The following MACROD2 variants were observed in gnomAD, a reference collection of about 807,000 sequenced individuals.
MACROD2 encodes the protein ADP-ribose glycohydrolase MACROD2.
In MACROD2, 36 loss-of-function variants were observed where a neutral mutation model predicts 70.4. The observed-to-expected ratio is 0.51, with a 90% CI of 0.39 to 0.68. The LOEUF (loss-of-function observed/expected upper bound fraction) is 0.68, where lower values mean the gene tolerates loss of function less well. Among genes scored for constraint, MACROD2 ranks in the 30% least tolerant of loss-of-function variants. The pLI is 0.00. For missense variants in MACROD2, 496 were observed against 538.4 expected (o/e 0.92, Z 0.78); for synonymous variants, 172 against 178.8 (o/e 0.96, Z 0.30).
At chr20:14,847,486 T>C (rs1462716635) in intron 5 of MACROD2, among the ~76,000 whole-genome samples, 1 of 4,492 alleles carries the variant, frequency 2.2e-4, no homozygotes, top group South Asian at 2.2e-3. Context: ...GTGTTGCCTG[T>C]TTTTTTTTTT....
At chr20:14,212,903 G>T (rs143173923) in intron 3 of MACROD2, among the ~76,000 whole-genome samples, 107 of 151,858 alleles carry the variant, frequency 7.0e-4, no homozygotes, top group Middle Eastern at 6.8e-3. Context: ...TGCTGTTGTG[G>T]CATTTGGACT....
At chr20:15,025,234 A>G (rs1166486645) in intron 5 of MACROD2, among the ~76,000 whole-genome samples, 1 of 151,942 alleles carries the variant, frequency 6.6e-6, no homozygotes, top group African/African-American at 2.4e-5. Context: ...TATCAGTTTA[A>G]AGATTCTTGT....
At chr20:14,438,139 A>C (rs1021729946) in intron 3 of MACROD2, among the ~76,000 whole-genome samples, 1 of 152,120 alleles carries the variant, frequency 6.6e-6, no homozygotes, top group African/African-American at 2.4e-5. Flanking sequence ...TTTTTAATAG[A>C]TTCCACATAT....
At chr20:14,939,795 G>T (rs1460884493) in intron 5 of MACROD2, among the ~76,000 whole-genome samples, 2 of 151,510 alleles carry the variant, frequency 1.3e-5, no homozygotes, top group African/African-American at 4.8e-5. Flanking sequence ...GTGTTTTATA[G>T]TTTTCTTTGT....
intron 8 of MACROD2, chr20:15,552,845 A>G (rs1257695315): frequency 2.0e-5 from 3 of 152,170 alleles, no homozygotes; most frequent in East Asian, 1.9e-4. Flanking sequence ...AGTTGCCTAC[A>G]TGGGTTACCC....
intron 6 of MACROD2, among the ~76,000 whole-genome samples, chr20:15,264,918 G>T (rs1186885714): frequency 1.1e-4 from 17 of 152,142 alleles, no homozygotes; most frequent in Admixed American, 1.1e-3. Flanking sequence ...AGGGGTCAGA[G>T]AGACCTTAGA....
chr20:14,868,578 A>G (rs975373260), intron 5 of MACROD2, among the ~76,000 whole-genome samples: 4 of 152,108 alleles, frequency 2.6e-5, no homozygotes, highest in African/African-American at 9.7e-5. Flanking sequence ...ATTCCAGCCT[A>G]GAGTCTAGGG....
intron 5 of MACROD2, among the ~76,000 whole-genome samples, chr20:15,227,821 C>CTTTTTTTTTTTTTTTTTTTT: frequency 7.2e-5 from 1 of 13,876 alleles, no homozygotes; most frequent in Non-Finnish European, 1.3e-4. Context: ...AGAATTTCAC[C>CTTTTTTTTTTTTTTTTTTTT]TGTTTTTTTT....
chr20:15,324,440 T>A (rs1485257223), intron 6 of MACROD2, among the ~76,000 whole-genome samples: 1 of 152,152 alleles, frequency 6.6e-6, no homozygotes, highest in Non-Finnish European at 1.5e-5. Context: ...GCTCTTCTTG[T>A]TTATATATAT....
At chr20:14,633,220 A>C (rs1312233060) in intron 4 of MACROD2, among the ~76,000 whole-genome samples, 1 of 152,166 alleles carries the variant, frequency 6.6e-6, no homozygotes, top group Non-Finnish European at 1.5e-5. Context: ...TGTCTTTTTT[A>C]TAAAGACATT....
intron 5 of MACROD2, among the ~76,000 whole-genome samples, chr20:14,841,589 A>G (rs2073088118): frequency 6.6e-6 from 1 of 152,088 alleles, no homozygotes; most frequent in South Asian, 2.1e-4. Context: ...ATGACACTAC[A>G]ATGCAGCTTT....
chr20:14,327,032 G>T (rs746867958), intron 3 of MACROD2: 2 of 1,613,768 alleles, frequency 1.2e-6, no homozygotes, highest in Non-Finnish European at 1.7e-6. Flanking sequence ...GACAGGAAAA[G>T]CAGTCGGAGA....
intron 6 of MACROD2, among the ~76,000 whole-genome samples, chr20:15,263,578 A>G (rs1006734043): frequency 6.6e-6 from 1 of 151,988 alleles, no homozygotes; most frequent in Non-Finnish European, 1.5e-5. Context: ...CGTCATTGGC[A>G]TTTTTTATAG....
intron 4 of MACROD2, among the ~76,000 whole-genome samples, chr20:14,582,901 C>A (rs1981129379): frequency 6.6e-6 from 1 of 152,160 alleles, no homozygotes; most frequent in South Asian, 2.1e-4. Flanking sequence ...CACACTTACT[C>A]TGGGGCATAC....
chr20:14,488,149 GTATT>G (rs1394477746), intron 3 of MACROD2, among the ~76,000 whole-genome samples: 3 of 152,126 alleles, frequency 2.0e-5, no homozygotes, highest in Non-Finnish European at 4.4e-5. Flanking sequence ...AAATTTATTT[GTATT>G]TATTCAAAAC....
intron 5 of MACROD2, among the ~76,000 whole-genome samples, chr20:14,738,175 C>A (rs1253142389): frequency 2.0e-5 from 3 of 151,094 alleles, no homozygotes; most frequent in Non-Finnish European, 4.4e-5. Context: ...TTTTAAAAGT[C>A]AGTTTCCTGA....
chr20:14,535,671 G>T (rs2123218531), intron 4 of MACROD2, among the ~76,000 whole-genome samples: 1 of 152,226 alleles, frequency 6.6e-6, no homozygotes, highest in Admixed American at 6.5e-5. Context: ...AATTAATTAT[G>T]CATTAAGGCC....
chr20:15,617,977 A>G (rs2049061910), intron 8 of MACROD2, among the ~76,000 whole-genome samples: 1 of 151,980 alleles, frequency 6.6e-6, no homozygotes, highest in African/African-American at 2.4e-5. Context: ...ATGTGGGTGT[A>G]GAAGGGAGGA....
chr20:15,467,706 A>G (rs2046912920), intron 7 of MACROD2, among the ~76,000 whole-genome samples: 1 of 135,214 alleles, frequency 7.4e-6, no homozygotes, highest in Non-Finnish European at 1.6e-5. Flanking sequence ...ATATTTATTG[A>G]TTCAAATTGG....
Sources: gnomAD v4.1 joint callset for allele counts (sites outside exome capture counted in the v4.1 genomes callset) on GRCh38, gnomAD v4.1.1 for gene constraint, MANE v1.5 for transcripts, NCBI Gene and HGNC (gene_info 2026-07-23, HGNC 2026-07-21) for gene names.